The following FAT3 variants were observed in gnomAD, a reference collection of about 807,000 sequenced individuals.
The protein encoded by FAT3 is FAT atypical cadherin 3, also known as protocadherin Fat 3.
Under a neutral mutation model 310.2 loss-of-function variants are expected in FAT3, and 95 were observed. That is an observed-to-expected ratio of 0.31 (90% CI 0.26 to 0.36). The LOEUF is 0.36. FAT3 is among the 10% of genes least tolerant of loss of function. The pLI is 1.00. For synonymous variants in FAT3, 2,314 were observed against 2,192.9 expected, an observed-to-expected ratio of 1.06 and a Z score of -1.54; for missense variants, 5,408 against 5,715.6, an observed-to-expected ratio of 0.95 and a Z score of 1.74.
chr11:92,671,737 A>T (rs1293541909), intron 3 of FAT3, among the ~76,000 whole-genome samples: 2 of 152,122 alleles, frequency 1.3e-5, no homozygotes, highest in Non-Finnish European at 2.9e-5. Flanking sequence ...TTTGCTCTTC[A>T]TTATATCCCT....
At chr11:92,403,390 T>C (rs1370942882) in intron 2 of FAT3, 1 of 152,188 alleles carries the variant, frequency 6.6e-6, no homozygotes, top group Non-Finnish European at 1.5e-5. Flanking sequence ...TGCTTATTTT[T>C]CCCTAAAAAG....
chr11:92,365,206 G>A (rs1948988198), intron 2 of FAT3, among the ~76,000 whole-genome samples: 1 of 152,098 alleles, frequency 6.6e-6, no homozygotes, highest in South Asian at 2.1e-4. Context: ...GGAGGTTGAG[G>A]GTGCAGTGAG....
intron 26 of FAT3, 111 bp from the exon 27 acceptor site, chr11:92,889,745 G>GC (rs1189848755): frequency 2.2e-5 from 15 of 678,300 alleles, no homozygotes; most frequent in Non-Finnish European, 4.2e-5. Context: ...CTTAGTCGTA[G>GC]CCCACAGGCC....
Position 92,834,953 on chromosome 11 carries a change from C to T in FAT3, c.9955C>T (p.Pro3319Ser), listed in dbSNP as rs1156972038. Reference sequence around the variant, plus strand: ...AGTGGAAGCCAAAGATGGGGGCACCCCAGCTCTCAGCGCTGTGGCCACTGT... The same window carrying T: ...AGTGGAAGCCAAAGATGGGGGCACCTCAGCTCTCAGCGCTGTGGCCACTGT... ...LVVEAKDGGT[P>S]ALSAVATVNI... Residue 3319 changes from proline (P) to serine (S), a missense_variant, in exon 15 of 28, where the codon CCA becomes TCA. By Grantham distance (74) the Pro-to-Ser change is moderately conservative. This residue lies in a region of FAT3 where 4,588 missense variants were observed against 4,809.8 expected (regional missense o/e 0.95). Coordinates refer to ENST00000525166, the MANE Select transcript of FAT3 (RefSeq NM_001367949.2). The T allele has an allele frequency of 6.2e-7, 1 of 1,613,118 alleles. No homozygotes were observed. The highest frequency in any genetic ancestry group is 2.2e-5 in the East Asian group (1 of 44,876).
intron 3 of FAT3, among the ~76,000 whole-genome samples, chr11:92,557,371 A>G (rs1955059116): frequency 6.6e-6 from 1 of 152,188 alleles, no homozygotes; most frequent in African/African-American, 2.4e-5. Context: ...CTTGTAATAA[A>G]GCAAAGACTT....
intron 22 of FAT3, among the ~76,000 whole-genome samples, chr11:92,873,056 A>C (rs570877709): frequency 1.1e-4 from 16 of 152,338 alleles, no homozygotes; most frequent in African/African-American, 3.8e-4. Flanking sequence ...AGCAATATAG[A>C]GAGGAAGCTG....
At position 92,697,328 on chromosome 11, in the gene FAT3, T is replaced by A. The variant is rs574141235; in HGVS notation, c.3608-56T>A. The A allele has an allele frequency of 1.7e-5, 26 of 1,532,260 alleles. No individual in the cohort carries two copies. The South Asian group carries it at 2.4e-4, about 14-fold the overall frequency. The allele number at this position is 1,532,260 out of a possible 1,614,324, so 94.9% of individuals were successfully genotyped here. A position where few individuals can be genotyped will look rare whatever the true frequency, so the allele number is the denominator to read the frequency against. ...TTTAACTGGACTTGTTTCCCCACAC[T>A]CAGTAAGCTGTTTGCCCCAGATATT... On this transcript the variant is annotated intron_variant, in intron 3 of 27. Transcript: ENST00000525166.
intron 4 of FAT3, 54 bp from the exon 5 acceptor site, chr11:92,761,802 G>T: frequency 2.0e-6 from 3 of 1,531,352 alleles, no homozygotes; most frequent in Non-Finnish European, 2.7e-6. Flanking sequence ...AGGTTAACAT[G>T]TAATAGCAAG....
At chr11:92,706,099 G>A (rs970753034) in intron 4 of FAT3, among the ~76,000 whole-genome samples, 2 of 151,794 alleles carry the variant, frequency 1.3e-5, no homozygotes, top group African/African-American at 2.4e-5. Flanking sequence ...GGTGTTAATG[G>A]TGGTGGTGGT....
rs577298625 is a variant in FAT3, at chr11:92,377,668, G to T, written c.3292+22264G>T. On this transcript the variant is annotated intron_variant, in intron 2 of 27. Transcript: ENST00000525166. ...TATATTCCTCTCATTCCTTATTTCTGCCTGATTGTAGGCTCCTTGAAGGCA... is the reference window on the plus strand; with the variant it reads ...TATATTCCTCTCATTCCTTATTTCTTCCTGATTGTAGGCTCCTTGAAGGCA... 1.1e-3 allele frequency among the ~76,000 whole-genome samples: 170 copies of T among 152,166 alleles called. 1 individual carries two copies. The highest frequency in any genetic ancestry group is 1.9e-3 in the African/African-American group (78 of 41,508).
chr11:92,326,244 G>A (rs1947761029), intron 1 of FAT3, among the ~76,000 whole-genome samples: 1 of 152,106 alleles, frequency 6.6e-6, no homozygotes, highest in African/African-American at 2.4e-5. Context: ...AATGACATGG[G>A]GTTGGACATA....
chr11:92,809,943 C>T lies in FAT3; in HGVS notation c.9348C>T (p.Asn3116=). Residue 3116 remains asparagine, a synonymous_variant, in exon 13 of 28, where the codon AAC becomes AAT. Transcript: ENST00000525166. ...GGGGTGGCAGGTTCTGCCAGTCCAA[C>T]ATCCACCTAATCCTGGAGGATGTGA... ...TDGGGRFCQS[N]IHLILEDVND... The T allele has an allele frequency of 6.2e-7, 1 of 1,613,970 alleles. No homozygotes were observed. Among genetic ancestry groups the T allele is most frequent in the Non-Finnish European group, 8.5e-7 (1 of 1,179,812 alleles).
chr11:92,525,054 T>A lies in FAT3; in HGVS notation c.3607+106T>A, dbSNP rs974931257. 7.4e-6 allele frequency: 7 copies of A among 945,708 alleles called. No individual in the cohort carries two copies. In the African/African-American group the frequency reaches 1.2e-4, roughly 16 times the overall value. 58.6% of individuals were successfully genotyped at this position (945,708 alleles called of 1,614,324 possible). A position where few individuals can be genotyped will look rare whatever the true frequency, so the allele number is the denominator to read the frequency against. ...TTACTTTATTTTCTAAAGAATAGCATCTTCCTTTCTGAGAATGGTTTCTGA... is the reference window on the plus strand; with the variant it reads ...TTACTTTATTTTCTAAAGAATAGCAACTTCCTTTCTGAGAATGGTTTCTGA... On this transcript the variant is annotated intron_variant, in intron 3 of 27. Transcript: ENST00000525166.
intron 3 of FAT3, among the ~76,000 whole-genome samples, chr11:92,629,293 AAAG>A (rs760631407): frequency 6.6e-6 from 1 of 152,218 alleles, no homozygotes; most frequent in East Asian, 1.9e-4. Context: ...AGGGAAACTG[AAAG>A]AAGAAGAGGT....
At chr11:92,410,681 A>T (rs1950236905) in intron 2 of FAT3, among the ~76,000 whole-genome samples, 1 of 152,052 alleles carries the variant, frequency 6.6e-6, no homozygotes, top group Non-Finnish European at 1.5e-5. Flanking sequence ...GAGTTTACGG[A>T]ATAATTTTCC....
chr11:92,305,709 A>G (rs1361526745), intron 1 of FAT3, among the ~76,000 whole-genome samples: 1 of 152,178 alleles, frequency 6.6e-6, no homozygotes, highest in Non-Finnish European at 1.5e-5. Flanking sequence ...AGGTGATATC[A>G]GATAAACCCA....
At chr11:92,412,723 A>ATG (rs1950307646) in intron 2 of FAT3, among the ~76,000 whole-genome samples, 1 of 34,392 alleles carries the variant, frequency 2.9e-5, no homozygotes, top group Non-Finnish European at 7.1e-5. Flanking sequence ...ATATATATAT[A>ATG]TATATATATA....
At chr11:92,458,223 C>T (rs1454656351) in intron 2 of FAT3, among the ~76,000 whole-genome samples, 1 of 152,086 alleles carries the variant, frequency 6.6e-6, no homozygotes, top group East Asian at 1.9e-4. Context: ...TGTATTTTTG[C>T]CCTGGAGACT....
chr11:92,548,881 T>A (rs1358716296), intron 3 of FAT3, among the ~76,000 whole-genome samples: 1 of 152,220 alleles, frequency 6.6e-6, no homozygotes, highest in Non-Finnish European at 1.5e-5. Flanking sequence ...GAATTTAAAA[T>A]TTAATAAAGA....
Sources: allele counts gnomAD v4.1 joint callset (sites outside exome capture counted in the v4.1 genomes callset), GRCh38; gene constraint gnomAD v4.1.1; regional missense constraint gnomAD v4.1.1; transcripts MANE v1.5; gene names NCBI Gene and HGNC (gene_info 2026-07-23, HGNC 2026-07-21).